PDSS2: variants seen among roughly 807,000 people sequenced by gnomAD.
PDSS2 encodes the protein all trans-polyprenyl-diphosphate synthase PDSS2.
PDSS2 carries 31 observed loss-of-function variants against 44.5 expected under a neutral mutation model. That is an observed-to-expected ratio of 0.70 (90% CI 0.52 to 0.94). The LOEUF (loss-of-function observed/expected upper bound fraction) is 0.94, where lower values mean the gene tolerates loss of function less well. PDSS2 is among the 40% of genes least tolerant of loss of function. The pLI, the probability that PDSS2 is intolerant of heterozygous loss-of-function variation, is 0.00. For missense variants in PDSS2, 452 were observed against 482.2 expected (o/e 0.94, Z 0.59); for synonymous variants, 157 against 180.3 (o/e 0.87, Z 1.03).
At chr6:107,207,976 TTG>T (rs1457788681) in intron 6 of PDSS2, among the ~76,000 whole-genome samples, 1,799 of 100,702 alleles carry the variant, frequency 0.018, 34 homozygotes, top group African/African-American at 0.077. Flanking sequence ...TGTCTATGAC[TTG>T]TTTTTTTTTT....
At chr6:107,212,360 G>A in intron 4 of PDSS2, 78 bp from the exon 5 acceptor site, 2 of 1,202,038 alleles carry the variant, frequency 1.7e-6, no homozygotes, top group South Asian at 2.8e-5. Flanking sequence ...GAATAAAAAA[G>A]TTAAGAAACG....
chr6:107,447,240 G>A (rs1403020825), intron 1 of PDSS2, among the ~76,000 whole-genome samples: 2 of 152,144 alleles, frequency 1.3e-5, no homozygotes, highest in Non-Finnish European at 2.9e-5. Context: ...GGAGGCTGAG[G>A]CAGGAGAATG....
intron 1 of PDSS2, among the ~76,000 whole-genome samples, chr6:107,452,459 T>C (rs993903587): frequency 4.6e-5 from 7 of 152,042 alleles, no homozygotes; most frequent in African/African-American, 1.7e-4. Context: ...CTCAAACTCC[T>C]AGCCTCAAGT....
chr6:107,429,898 AAAAATATAT>A (rs1781123075), intron 1 of PDSS2, among the ~76,000 whole-genome samples: 3 of 42,942 alleles, frequency 7.0e-5, no homozygotes, highest in African/African-American at 2.8e-4. Flanking sequence ...AAAAAAAAAA[AAAAATATAT>A]ATATATATAT....
At chr6:107,298,986 A>G (rs1386469180) in intron 2 of PDSS2, among the ~76,000 whole-genome samples, 3 of 152,210 alleles carry the variant, frequency 2.0e-5, no homozygotes, top group South Asian at 2.1e-4. Flanking sequence ...TACTAAAAAT[A>G]CAAAAATTAG....
chr6:107,335,200 T>C (rs2115252463), intron 1 of PDSS2, among the ~76,000 whole-genome samples: 2 of 151,636 alleles, frequency 1.3e-5, no homozygotes, highest in East Asian at 3.9e-4. Flanking sequence ...AATCTCACAT[T>C]TGAGGCTTCC....
At chr6:107,267,101 AAAAC>A (rs1775434034) in intron 3 of PDSS2, among the ~76,000 whole-genome samples, 1 of 152,222 alleles carries the variant, frequency 6.6e-6, no homozygotes, top group Non-Finnish European at 1.5e-5. Flanking sequence ...GTTCAAAGTT[AAAAC>A]AAATGATTAC....
Position 107,209,624 on chromosome 6 carries a change from A to C in PDSS2, c.1008+815T>G, listed in dbSNP as rs141939835. Among the ~76,000 whole-genome samples, 435 of 128,820 alleles carry C rather than the reference A, an allele frequency of 3.4e-3. 2 individuals carry two copies. The highest frequency in any genetic ancestry group is 0.012 in the African/African-American group (406 of 33,846). The allele number at this position is 128,820 out of a possible 152,430, so 84.5% of individuals were successfully genotyped here. A position where few individuals can be genotyped will look rare whatever the true frequency, so the allele number is the denominator to read the frequency against. On this transcript the variant is annotated intron_variant, in intron 6 of 7. Transcript: ENST00000369037. ...AATTTTGTAGAGATGAGGTTTCACT[A>C]TGTTGTTGGTCTTGAACTCAAGAGC...
chr6:107,176,045 A>T (rs1229404186), intron 7 of PDSS2, among the ~76,000 whole-genome samples: 1 of 151,890 alleles, frequency 6.6e-6, no homozygotes, highest in East Asian at 1.9e-4. Flanking sequence ...TTATTTATTT[A>T]TTTATTTATT....
chr6:107,223,609 G>A (rs1447983783), intron 4 of PDSS2, among the ~76,000 whole-genome samples: 1 of 151,172 alleles, frequency 6.6e-6, no homozygotes, highest in African/African-American at 2.5e-5. Context: ...CCACACATGG[G>A]AGGCTGAGGT....
At chr6:107,170,455 C>T (rs1036063556) in intron 7 of PDSS2, among the ~76,000 whole-genome samples, 6 of 152,318 alleles carry the variant, frequency 3.9e-5, no homozygotes, top group Admixed American at 2.6e-4. Flanking sequence ...CCTGCTTCAG[C>T]TCACGCTCGG....
At chr6:107,429,834 A>C (rs1415447108) in intron 1 of PDSS2, among the ~76,000 whole-genome samples, 1 of 142,088 alleles carries the variant, frequency 7.0e-6, no homozygotes, top group Non-Finnish European at 1.5e-5. Context: ...CAGTGAGCCA[A>C]GATCGCGCCA....
Position 107,210,500 on chromosome 6 carries a change from G to C in PDSS2, c.947C>G (p.Ala316Gly). The C allele has an allele frequency of 6.2e-7, 1 of 1,600,862 alleles. No individual in the cohort carries two copies. The highest frequency in any genetic ancestry group is 8.6e-7 in the Non-Finnish European group (1 of 1,168,148). Residue 316 changes from alanine to glycine, a missense_variant, in exon 6 of 8, where the codon GCT becomes GGT. Coordinates refer to ENST00000369037, the MANE Select transcript of PDSS2 (RefSeq NM_020381.4). ...AAATTCCTGATGTAAGACTACAGGA[G>C]CTGAGTTTAGATTAAAAGTCATGGA... ...SDSMTFNLNSAPVVLHQEFLG... is the reference protein window; with the variant it reads ...SDSMTFNLNSGPVVLHQEFLG...
intron 2 of PDSS2, among the ~76,000 whole-genome samples, chr6:107,328,162 T>C (rs1562464831): frequency 1.3e-5 from 2 of 152,160 alleles, no homozygotes; most frequent in Admixed American, 6.5e-5. Flanking sequence ...ATGGCAATAA[T>C]AAACCACATT....
intron 1 of PDSS2, among the ~76,000 whole-genome samples, chr6:107,421,589 C>T (rs1381637802): frequency 1.3e-5 from 2 of 151,906 alleles, no homozygotes; most frequent in African/African-American, 2.4e-5. Context: ...CAAAAGGTTA[C>T]GTACTATATG....
At chr6:107,308,166 A>G (rs1460543321) in intron 2 of PDSS2, among the ~76,000 whole-genome samples, 1 of 152,220 alleles carries the variant, frequency 6.6e-6, no homozygotes, top group African/African-American at 2.4e-5. Context: ...ACCTTAATCT[A>G]TCTATATATT....
intron 1 of PDSS2, among the ~76,000 whole-genome samples, chr6:107,387,266 A>T (rs1249422840): frequency 6.6e-6 from 1 of 152,218 alleles, no homozygotes; most frequent in Non-Finnish European, 1.5e-5. Context: ...CTGCAGGTGC[A>T]CCTGTAGCCT....
chr6:107,251,781 T>C (rs1774828144), intron 3 of PDSS2, among the ~76,000 whole-genome samples: 1 of 152,130 alleles, frequency 6.6e-6, no homozygotes, highest in South Asian at 2.1e-4. Flanking sequence ...ACTGAGAGGG[T>C]GCTGAATAGG....
At chr6:107,345,748 T>C (rs1778223432) in intron 1 of PDSS2, among the ~76,000 whole-genome samples, 1 of 152,224 alleles carries the variant, frequency 6.6e-6, no homozygotes, top group Non-Finnish European at 1.5e-5. Context: ...TGTAAAACTA[T>C]ATTATTGCAA....
Sources: allele counts gnomAD v4.1 joint callset (sites outside exome capture counted in the v4.1 genomes callset), GRCh38; gene constraint gnomAD v4.1.1; transcripts MANE v1.5; gene names NCBI Gene and HGNC (gene_info 2026-07-23, HGNC 2026-07-21).